CMC1: variants seen among roughly 807,000 people sequenced by gnomAD.
CMC1 encodes the protein COX assembly mitochondrial protein homolog.
Under a neutral mutation model 14.1 loss-of-function variants are expected in CMC1, and 14 were observed. The observed-to-expected ratio is 0.99, with a 90% CI of 0.66 to 1.55. CMC1 has a LOEUF of 1.55. Among genes scored for constraint, CMC1 ranks in the 40% most tolerant of loss-of-function variants. The pLI, the probability that CMC1 is intolerant of heterozygous loss-of-function variation, is 0.00. For missense variants in CMC1, 127 were observed against 123.8 expected (o/e 1.03, Z -0.12); for synonymous variants, 50 against 38.4 (o/e 1.30, Z -1.12).
At chr3:28,316,444 T>G in intron 3 of CMC1, 21 bp downstream of exon 3, 1 of 1,421,616 alleles carries the variant, frequency 7.0e-7, no homozygotes, top group Non-Finnish European at 9.7e-7. Context: ...GTCTCAGCGT[T>G]TGTGCTTGTA....
chr3:28,319,399 A>G, intron 3 of CMC1, 110 bp from the exon 4 acceptor site: 2 of 991,136 alleles, frequency 2.0e-6, no homozygotes, highest in South Asian at 2.6e-5. Context: ...GTGTACTTCT[A>G]AAGATTGAGC....
rs753285091 is a variant in CMC1 at position 28,324,276 on chromosome 3, G to T, written c.*4647G>T. ...TCTCATTGTCTGTCCATGATTGGAGGATTGCTTTCTCTGATAAAACCTTTA... is the reference window on the plus strand; with the variant it reads ...TCTCATTGTCTGTCCATGATTGGAGTATTGCTTTCTCTGATAAAACCTTTA... On this transcript the variant is annotated 3_prime_UTR_variant, in exon 4 of 4. Transcript: ENST00000466830. 1 of 1,608,906 alleles carries T rather than the reference G, an allele frequency of 6.2e-7. No individual in the cohort carries two copies. The highest frequency in any genetic ancestry group is 8.5e-7 in the Non-Finnish European group (1 of 1,176,530).
At chr3:28,305,286 T>C (rs1702250555) in intron 2 of CMC1, among the ~76,000 whole-genome samples, 1 of 152,182 alleles carries the variant, frequency 6.6e-6, no homozygotes, top group African/African-American at 2.4e-5. Flanking sequence ...TGTAGTATTC[T>C]ATGATATATA....
intron 2 of CMC1, among the ~76,000 whole-genome samples, chr3:28,265,001 A>C (rs75792834): frequency 6.6e-6 from 1 of 152,140 alleles, no homozygotes; most frequent in South Asian, 2.1e-4. Context: ...ATAACTTTAA[A>C]ATATTTATTT....
At chr3:28,299,327 A>G (rs1021822460) in intron 2 of CMC1, among the ~76,000 whole-genome samples, 10 of 152,088 alleles carry the variant, frequency 6.6e-5, no homozygotes, top group Non-Finnish European at 1.3e-4. Context: ...GACTGGAGAG[A>G]TGATTTAGTT....
At position 28,274,213 on chromosome 3, in the gene CMC1, T is replaced by TTTTTTTTG. The variant is rs1246436937; in HGVS notation, c.109+10839_109+10840insTGTTTTTT. On this transcript the variant is annotated intron_variant, in intron 2 of 3. Transcript: ENST00000466830. ...TGGTCTTTGTACTAAAGTGTTTTTG[T>TTTTTTTTG]TTTTTTCTTTTTTTTTTTTTTTGCA... is the stretch of plus-strand genomic sequence containing the variant. 8.2e-4 allele frequency among the ~76,000 whole-genome samples: 83 copies of TTTTTTTTG among 101,240 alleles called. 2 individuals are homozygous for TTTTTTTTG. Among genetic ancestry groups the TTTTTTTTG allele is most frequent in the African/African-American group, 2.7e-3 (77 of 28,046 alleles). The allele number at this position is 101,240 out of a possible 152,430, so 66.4% of individuals were successfully genotyped here.
intron 2 of CMC1, among the ~76,000 whole-genome samples, chr3:28,306,513 TG>T (rs1375304159): frequency 2.6e-5 from 4 of 152,170 alleles, no homozygotes; most frequent in Admixed American, 6.5e-5. Flanking sequence ...TGATGATTTT[TG>T]CATGTTGATT....
intron 1 of CMC1, among the ~76,000 whole-genome samples, chr3:28,257,477 C>T (rs1699474563): frequency 6.6e-6 from 1 of 152,162 alleles, no homozygotes; most frequent in African/African-American, 2.4e-5. Context: ...CTGAATAATG[C>T]TTCTCTAAAT....
At chr3:28,318,740 T>G (rs1476571593) in intron 3 of CMC1, 1 of 153,334 alleles carries the variant, frequency 6.5e-6, no homozygotes, top group African/African-American at 2.4e-5. Context: ...AGCTCCTCCT[T>G]TGGCCTGCGC....
Position 28,323,033 on chromosome 3 carries a change from T to C in CMC1, c.*3404T>C, listed in dbSNP as rs1176429836. 6.6e-6 allele frequency: 1 copy of C among 151,118 alleles called. No individual in the cohort carries two copies. Among genetic ancestry groups the C allele is most frequent in the Non-Finnish European group, 1.5e-5 (1 of 67,378 alleles). The allele number at this position is 151,118 out of a possible 1,614,324, so 9.4% of individuals were successfully genotyped here. A position where few individuals can be genotyped will look rare whatever the true frequency, so the allele number is the denominator to read the frequency against. On this transcript the variant is annotated 3_prime_UTR_variant, in exon 4 of 4. Coordinates refer to ENST00000466830, the MANE Select transcript of CMC1 (RefSeq NM_182523.2). ...GGCCACTTAGAATAAGTGTGGACAT[T>C]TCATGATCGACAATATCAATACAGC...
intron 2 of CMC1, among the ~76,000 whole-genome samples, chr3:28,315,324 C>T (rs977506473): frequency 6.6e-6 from 1 of 152,128 alleles, no homozygotes; most frequent in Non-Finnish European, 1.5e-5. Context: ...CCTGAAAAGG[C>T]AGAATACCCA....
chr3:28,304,868 C>G (rs539036188), intron 2 of CMC1, among the ~76,000 whole-genome samples: 2 of 152,118 alleles, frequency 1.3e-5, no homozygotes, highest in Non-Finnish European at 2.9e-5. Context: ...GGAACATAAT[C>G]TATTTTAAAG....
intron 2 of CMC1, among the ~76,000 whole-genome samples, chr3:28,289,881 G>T (rs1278561544): frequency 2.0e-5 from 3 of 151,914 alleles, no homozygotes; most frequent in African/African-American, 4.8e-5. Context: ...ATCTCTCTGG[G>T]AACAAAAGGA....
intron 2 of CMC1, among the ~76,000 whole-genome samples, chr3:28,284,730 CTGTG>C (rs147368414): frequency 1.3e-5 from 2 of 150,258 alleles, no homozygotes; most frequent in African/African-American, 2.4e-5. Flanking sequence ...TGTTAGATTT[CTGTG>C]TGTGTGTGTG....
intron 2 of CMC1, among the ~76,000 whole-genome samples, chr3:28,299,997 C>T (rs1349460518): frequency 6.6e-6 from 1 of 152,116 alleles, no homozygotes; most frequent in Non-Finnish European, 1.5e-5. Context: ...TAAACTGCAG[C>T]TAGAACTGAA....
chr3:28,303,699 G>A (rs566310165), intron 2 of CMC1, among the ~76,000 whole-genome samples: 6 of 152,132 alleles, frequency 3.9e-5, no homozygotes, highest in Non-Finnish European at 5.9e-5. Context: ...GGTAGAAAAT[G>A]AGAATTATTA....
At position 28,323,898 on chromosome 3, in the gene CMC1, A is replaced by G. The variant is rs757880361; in HGVS notation, c.*4269A>G. 9 of 913,086 alleles carry G rather than the reference A, an allele frequency of 9.9e-6. No individual in the cohort carries two copies. Among genetic ancestry groups the G allele is most frequent in the Non-Finnish European group, 1.1e-5 (7 of 610,254 alleles). 56.6% of individuals were successfully genotyped at this position (913,086 alleles called of 1,614,324 possible). On this transcript the variant is annotated 3_prime_UTR_variant, in exon 4 of 4. Coordinates refer to ENST00000466830, the MANE Select transcript of CMC1 (RefSeq NM_182523.2). ...AACCAACTATGTTGGTTTTTGTACT[A>G]TTGTACAGTGTGTTCAAATATAGAT...
chr3:28,272,213 C>T (rs767114954), intron 2 of CMC1, among the ~76,000 whole-genome samples: 5 of 151,514 alleles, frequency 3.3e-5, no homozygotes, highest in African/African-American at 4.8e-5. Context: ...AATAACCTTT[C>T]ATTTTCTTGC....
chr3:28,285,207 A>G (rs17638742), intron 2 of CMC1, among the ~76,000 whole-genome samples: 33,110 of 152,116 alleles, frequency 0.22, 4,306 homozygotes, highest in Middle Eastern at 0.3. Context: ...GTCCTTACCA[A>G]GATGATGGTT....
Sources: gnomAD v4.1 joint callset for allele counts (sites outside exome capture counted in the v4.1 genomes callset) on GRCh38, gnomAD v4.1.1 for gene constraint, MANE v1.5 for transcripts, NCBI Gene and HGNC (gene_info 2026-07-23, HGNC 2026-07-21) for gene names.